The following CCDC149 variants were observed in gnomAD, a reference collection of about 807,000 sequenced individuals.
CCDC149 encodes the protein coiled-coil domain containing 149, also known as coiled-coil domain-containing protein 149.
A neutral mutation model predicts 59.9 loss-of-function variants in CCDC149; 45 were observed. The ratio of observed to expected loss-of-function variants is 0.75; its 90% CI spans 0.59 to 0.96. The LOEUF (loss-of-function observed/expected upper bound fraction) is 0.96. CCDC149 is among the 40% of genes least tolerant of loss of function. The pLI is 0.00. For synonymous variants in CCDC149, 245 were observed against 260.6 expected, an observed-to-expected ratio of 0.94 and a Z score of 0.58; for missense variants, 584 against 664.7, an observed-to-expected ratio of 0.88 and a Z score of 1.33.
intron 1 of CCDC149, among the ~76,000 whole-genome samples, chr4:24,929,222 T>A (rs145432272): frequency 2.0e-4 from 30 of 152,254 alleles, no homozygotes; most frequent in Non-Finnish European, 3.2e-4. Context: ...GCTCTGCTGA[T>A]TCTCAAAAAC....
chr4:24,804,059 G>A (rs1007428241), downstream of CCDC149, among the ~76,000 whole-genome samples: 1 of 152,204 alleles, frequency 6.6e-6, no homozygotes, highest in African/African-American at 2.4e-5. Context: ...CATTAAAGGA[G>A]TGTGTTGGGG....
chr4:24,866,428 G>C (rs1301869764), intron 3 of CCDC149, among the ~76,000 whole-genome samples: 1 of 152,096 alleles, frequency 6.6e-6, no homozygotes, highest in Non-Finnish European at 1.5e-5. Flanking sequence ...AAATTAACCC[G>C]AGATAATTTA....
intron 1 of CCDC149, among the ~76,000 whole-genome samples, chr4:24,920,860 T>A (rs542943331): frequency 1.1e-3 from 175 of 152,298 alleles, no homozygotes; most frequent in African/African-American, 4.1e-3. Flanking sequence ...ACCTACCAGT[T>A]CAGGGGTCAC....
At chr4:24,898,360 T>C (rs1164935796) in intron 1 of CCDC149, among the ~76,000 whole-genome samples, 1 of 152,060 alleles carries the variant, frequency 6.6e-6, no homozygotes, top group African/African-American at 2.4e-5. Flanking sequence ...GGAGATTTGC[T>C]CAAAACCAGG....
chr4:24,905,424 T>C (rs879654594), intron 1 of CCDC149, among the ~76,000 whole-genome samples: 197 of 134,248 alleles, frequency 1.5e-3, no homozygotes, highest in Middle Eastern at 7.4e-3. Context: ...CGTGTGTGTG[T>C]GTGTGTGTGT....
rs1347347726 is a variant in CCDC149, at chr4:24,806,270, G to C, written c.*2119C>G. 1.3e-5 allele frequency: 2 copies of C among 152,180 alleles called. No homozygotes were observed. The highest frequency in any genetic ancestry group is 4.8e-5 in the African/African-American group (2 of 41,394). 9.4% of individuals were successfully genotyped at this position (152,180 alleles called of 1,614,324 possible). A position where few individuals can be genotyped will look rare whatever the true frequency, so the allele number is the denominator to read the frequency against. On this transcript the variant is annotated 3_prime_UTR_variant, in exon 13 of 13. Transcript: ENST00000635206. ...TAACTTACTGGCTCTCATTTCACCT[G>C]ATAACATAAGACCCTCCCCGCTGAC... is the stretch of plus-strand genomic sequence containing the variant.
intron 1 of CCDC149, among the ~76,000 whole-genome samples, chr4:24,922,782 T>A (rs1699905727): frequency 6.6e-6 from 1 of 152,218 alleles, no homozygotes; most frequent in Admixed American, 6.5e-5. Flanking sequence ...ATATTCCAAG[T>A]GTGTGAGATG....
chr4:24,882,078 A>G (rs773648214), intron 1 of CCDC149, among the ~76,000 whole-genome samples: 3 of 152,190 alleles, frequency 2.0e-5, no homozygotes, highest in Non-Finnish European at 4.4e-5. Context: ...AGACAATTTG[A>G]ATTTGGCTAC....
intron 4 of CCDC149, among the ~76,000 whole-genome samples, chr4:24,839,474 C>T (rs764896689): frequency 1.4e-4 from 21 of 152,190 alleles, no homozygotes; most frequent in Non-Finnish European, 2.5e-4. Context: ...CCACCGTGCC[C>T]GGCCTTTACT....
At chr4:24,932,717 C>A (rs930641769) in intron 1 of CCDC149, among the ~76,000 whole-genome samples, 1 of 152,108 alleles carries the variant, frequency 6.6e-6, no homozygotes, top group African/African-American at 2.4e-5. Context: ...AAATTGCAAC[C>A]CAGCACTGGC....
intron 1 of CCDC149, among the ~76,000 whole-genome samples, chr4:24,928,738 C>G (rs916333492): frequency 1.3e-5 from 2 of 152,030 alleles, no homozygotes; most frequent in African/African-American, 4.8e-5. Context: ...TTACAGCAAC[C>G]CTAGGAAACT....
chr4:24,840,337 A>T (rs1716859419), intron 4 of CCDC149, among the ~76,000 whole-genome samples: 1 of 152,228 alleles, frequency 6.6e-6, no homozygotes, highest in Admixed American at 6.5e-5. Flanking sequence ...AGATGGCTGC[A>T]CTTGCTGGAA....
chr4:24,812,751 G>A (rs1310209632), intron 12 of CCDC149, among the ~76,000 whole-genome samples: 2 of 152,196 alleles, frequency 1.3e-5, no homozygotes, highest in Non-Finnish European at 2.9e-5. Context: ...GGTAGAAGAC[G>A]AAAGAAGAGC....
intron 4 of CCDC149, among the ~76,000 whole-genome samples, chr4:24,839,000 ACT>A (rs36052894): frequency 0.2 from 25,235 of 127,120 alleles, 2,444 homozygotes; most frequent in African/African-American, 0.29. Context: ...TATACTAAGA[ACT>A]CTCTCTCTCT....
intron 10 of CCDC149, among the ~76,000 whole-genome samples, chr4:24,821,442 C>T (rs1715390783): frequency 6.6e-6 from 1 of 152,162 alleles, no homozygotes; most frequent in Non-Finnish European, 1.5e-5. Flanking sequence ...CATTCAAATC[C>T]CCAGGACTGT....
chr4:24,816,806 A>C (rs1031453131), intron 12 of CCDC149, among the ~76,000 whole-genome samples: 5 of 152,218 alleles, frequency 3.3e-5, no homozygotes, highest in African/African-American at 4.8e-5. Context: ...AAAGATAAAG[A>C]AACAGTATCT....
chr4:24,972,046 G>A (rs977213453), intron 1 of CCDC149, among the ~76,000 whole-genome samples: 1 of 152,030 alleles, frequency 6.6e-6, no homozygotes, highest in African/African-American at 2.4e-5. Context: ...CATATCAATC[G>A]GTCCCTTATG....
At chr4:24,843,012 TAA>T (rs59079628) in intron 4 of CCDC149, among the ~76,000 whole-genome samples, 5 of 147,860 alleles carry the variant, frequency 3.4e-5, no homozygotes, top group African/African-American at 4.9e-5. Context: ...GTGACTTGTT[TAA>T]AAAAAAAAAA....
chr4:24,888,230 T>C (rs1438062335), intron 1 of CCDC149, among the ~76,000 whole-genome samples: 1 of 152,188 alleles, frequency 6.6e-6, no homozygotes, highest in African/African-American at 2.4e-5. Context: ...TGAATACATA[T>C]TTAAGAAATA....
Sources: gnomAD v4.1 joint callset for allele counts (sites outside exome capture counted in the v4.1 genomes callset) on GRCh38, gnomAD v4.1.1 for gene constraint, MANE v1.5 for transcripts, NCBI Gene and HGNC (gene_info 2026-07-23, HGNC 2026-07-21) for gene names.